DYNC2H1: variants seen among roughly 807,000 people sequenced by gnomAD.
DYNC2H1 encodes the protein dynein cytoplasmic 2 heavy chain 1.
In DYNC2H1, 410 loss-of-function variants were observed where a neutral mutation model predicts 570.0. The ratio of observed to expected loss-of-function variants is 0.72; its 90% CI spans 0.66 to 0.78. DYNC2H1 has a LOEUF of 0.78. Ranked by LOEUF, DYNC2H1 falls within the 30% of genes least tolerant of loss-of-function variation. The probability of loss-of-function intolerance (pLI) is 0.00; values close to 1 mark genes in which losing one functional copy is unlikely to be tolerated. For missense variants in DYNC2H1, 4,865 were observed against 5,046.4 expected (o/e 0.96, Z 1.09); for synonymous variants, 1,688 against 1,677.6 (o/e 1.01, Z -0.15).
At chr11:103,222,330 T>TCTAGGTA (rs1863619390) in intron 58 of DYNC2H1, among the ~76,000 whole-genome samples, 177 bp downstream of exon 58, 2 of 152,280 alleles carry the variant, frequency 1.3e-5, no homozygotes, top group South Asian at 4.1e-4. Flanking sequence ...TAAATTAGAA[T>TCTAGGTA]CTAGGTAGCA....
At chr11:103,190,778 G>A (rs1396192510) in intron 45 of DYNC2H1, among the ~76,000 whole-genome samples, 1 of 152,002 alleles carries the variant, frequency 6.6e-6, no homozygotes, top group African/African-American at 2.4e-5. Flanking sequence ...CCGGTTGGTT[G>A]TATATTGAAG....
intron 82 of DYNC2H1, among the ~76,000 whole-genome samples, chr11:103,331,287 C>G (rs7933707): frequency 0.067 from 10,253 of 152,284 alleles, 366 homozygotes; most frequent in Non-Finnish European, 0.076. Context: ...TTCTTACCCC[C>G]TTACAGGCTT....
intron 31 of DYNC2H1, among the ~76,000 whole-genome samples, chr11:103,168,351 C>T (rs2134956846): frequency 6.6e-6 from 1 of 152,262 alleles, no homozygotes; most frequent in African/African-American, 2.4e-5. Context: ...AATGGTAAAT[C>T]CACCACTGGT....
intron 17 of DYNC2H1, among the ~76,000 whole-genome samples, chr11:103,142,630 C>G (rs117299690): frequency 0.014 from 2,081 of 152,214 alleles, 30 homozygotes; most frequent in Non-Finnish European, 0.021. Flanking sequence ...GATCGCACCA[C>G]TGTACTCCAG....
At chr11:103,247,221 G>A (rs770620820) in intron 65 of DYNC2H1, among the ~76,000 whole-genome samples, 6 of 151,976 alleles carry the variant, frequency 3.9e-5, no homozygotes, top group Non-Finnish European at 8.8e-5. Flanking sequence ...CTTTATGGTT[G>A]TTTTATTTCC....
intron 59 of DYNC2H1, among the ~76,000 whole-genome samples, chr11:103,227,969 T>G (rs1009227541): frequency 1.3e-5 from 2 of 152,216 alleles, no homozygotes; most frequent in Non-Finnish European, 2.9e-5. Context: ...GCTGTTGCTT[T>G]AAAGTTTGTT....
chr11:103,304,134 A>T (rs1020748082), intron 76 of DYNC2H1, among the ~76,000 whole-genome samples: 2 of 152,156 alleles, frequency 1.3e-5, no homozygotes, highest in East Asian at 3.8e-4. Context: ...AATAGTTAAT[A>T]ATGATTTTTT....
chr11:103,413,261 G>T (rs1943154650), intron 84 of DYNC2H1, among the ~76,000 whole-genome samples: 1 of 151,976 alleles, frequency 6.6e-6, no homozygotes, highest in South Asian at 2.1e-4. Flanking sequence ...TATTTTTATT[G>T]TTTACTTGCC....
At chr11:103,387,553 GT>G in intron 83 of DYNC2H1, among the ~76,000 whole-genome samples, 1 of 152,166 alleles carries the variant, frequency 6.6e-6, no homozygotes, top group Non-Finnish European at 1.5e-5. Context: ...TGCTTTTGGT[GT>G]TTTAGACATG....
At chr11:103,222,895 T>C in intron 58 of DYNC2H1, 70 bp from the exon 59 acceptor site, 2 of 1,588,996 alleles carry the variant, frequency 1.3e-6, no homozygotes, top group Non-Finnish European at 1.7e-6. Context: ...AAATAAAGTG[T>C]GTTAGAATTA....
chr11:103,123,581 T>G (rs575905052), intron 11 of DYNC2H1, among the ~76,000 whole-genome samples: 1 of 152,290 alleles, frequency 6.6e-6, no homozygotes, highest in South Asian at 2.1e-4. Context: ...ATTTAGCTCT[T>G]TTTCCTTCTA....
intron 58 of DYNC2H1, 144 bp from the exon 59 acceptor site, chr11:103,222,818 TCAC>T: frequency 1.3e-6 from 1 of 790,688 alleles, no homozygotes; most frequent in Admixed American, 3.1e-5. Context: ...AAATAGAAGT[TCAC>T]TGTATTTTTA....
rs1176111448 is a variant in DYNC2H1 at position 103,259,969 on chromosome 11, C to G, written c.10687C>G (p.Leu3563Val). ...GGTATATGAATATATATGTCGTTGT[C>G]TATTTAAGGTAAGAAGCATCATATT... is the stretch of plus-strand genomic sequence containing the variant. ...HMVYEYICRCLFKADQLMFAL... is the reference protein window; with the variant it reads ...HMVYEYICRCVFKADQLMFAL... The change falls in exon 70 of 89, where the codon CTA (leucine) becomes GTA (valine). Residue 3563 changes from leucine (L) to valine (V), a missense_variant. By Grantham distance (32) the Leu-to-Val change is conservative (BLOSUM62 1). Transcript: ENST00000375735. The G allele has an allele frequency of 3.4e-6, 5 of 1,483,002 alleles. No homozygotes were observed. In the Admixed American group the frequency reaches 1.1e-4, roughly 32 times the overall value. The allele number at this position is 1,483,002 out of a possible 1,614,324, so 91.9% of individuals were successfully genotyped here.
At chr11:103,286,467 G>C in intron 74 of DYNC2H1, 81 bp downstream of exon 74, 1 of 1,503,084 alleles carries the variant, frequency 6.7e-7, no homozygotes, top group Non-Finnish European at 9.0e-7. Context: ...GGAAAGCTTT[G>C]CTTTTAGAGT....
In DYNC2H1 at chr11:103,156,454, G is replaced by A; in HGVS notation, c.3811G>A (p.Gly1271Arg). ...REALRELDLW[G>R]VGAVFTLIDY... ...AGCTTTACGTGAACTTGATCTTTGG[G>A]GAGTTGGAGCAGTGTTTACATTAAT... Residue 1271 changes from glycine (G) to arginine (R), a missense_variant, in exon 26 of 89, where the codon GGA becomes AGA. By Grantham distance (125) the Gly-to-Arg change is moderately radical (BLOSUM62 -2). Transcript: ENST00000375735. 6.2e-7 allele frequency: 1 copy of A among 1,613,670 alleles called. No individual in the cohort carries two copies. Among genetic ancestry groups the A allele is most frequent in the Non-Finnish European group, 8.5e-7 (1 of 1,179,724 alleles).
rs61737514 is a variant in DYNC2H1 at position 103,323,958 on chromosome 11, G to A, written c.12007G>A (p.Ala4003Thr). ...TTTCTTTGGTCTGCCTGCCAATATC[G>A]CTCGCTCATCTCAGCGCATGATCAG... Reference protein sequence around the residue: ...PSFFGLPANIARSSQRMISSQ... With the variant: ...PSFFGLPANITRSSQRMISSQ... Residue 4003 changes from alanine (A) to threonine (T), a missense_variant, in exon 82 of 89, where the codon GCT becomes ACT. Transcript: ENST00000375735. The A allele has an allele frequency of 1.1e-3, 1,758 of 1,611,986 alleles. 16 individuals are homozygous for A. The African/African-American group carries it at 0.019, about 17-fold the overall frequency.
rs1333936154 is a variant in DYNC2H1, at chr11:103,261,361, C to T, written c.10695+1384C>T. Among the ~76,000 whole-genome samples the T allele has an allele frequency of 1.3e-5, 2 of 152,214 alleles. No individual in the cohort carries two copies. Among genetic ancestry groups the T allele is most frequent in the Non-Finnish European group, 2.9e-5 (2 of 68,028 alleles). ...TTGAGCTCTGCTAAGGGACAGATTG[C>T]CTTCTCAAGTGGGTCCCTGACCCCT... On this transcript the variant is annotated intron_variant, in intron 70 of 88. Coordinates refer to ENST00000375735, the MANE Select transcript of DYNC2H1 (RefSeq NM_001377.3). This position sits in a 1 kb window ranked among gnomAD's most constrained non-coding sequence, Gnocchi z 4.8.
chr11:103,136,553 A>G (rs1343552702), intron 17 of DYNC2H1, among the ~76,000 whole-genome samples: 2 of 152,070 alleles, frequency 1.3e-5, no homozygotes, highest in East Asian at 1.9e-4. Flanking sequence ...AAAGACATGA[A>G]CTCATCATTT....
intron 82 of DYNC2H1, among the ~76,000 whole-genome samples, chr11:103,354,805 A>G (rs1468203033): frequency 8.4e-6 from 1 of 118,764 alleles, no homozygotes; most frequent in Non-Finnish European, 1.8e-5. Context: ...TTCTTGTAAG[A>G]TCTTTTTTTT....
Sources: allele counts gnomAD v4.1 joint callset (sites outside exome capture counted in the v4.1 genomes callset), GRCh38; gene constraint gnomAD v4.1.1; non-coding constraint Gnocchi (gnomAD v3.1); transcripts MANE v1.5; gene names NCBI Gene and HGNC (gene_info 2026-07-23, HGNC 2026-07-21).